The following TBK1 variants were observed in gnomAD, a reference collection of about 807,000 sequenced individuals.
TBK1 encodes the protein TANK binding kinase 1.
Under a neutral mutation model 99.9 loss-of-function variants are expected in TBK1, and 37 were observed. The ratio of observed to expected loss-of-function variants is 0.37; its 90% CI spans 0.28 to 0.49. TBK1 has a LOEUF of 0.49. TBK1 is among the 20% of genes least tolerant of loss of function. The pLI is 0.98. For missense variants in TBK1, 644 were observed against 872.5 expected (o/e 0.74, Z 3.30); for synonymous variants, 258 against 279.8 (o/e 0.92, Z 0.78).
Position 64,482,017 on chromosome 12 carries a change from A to G in TBK1, c.988A>G (p.Asn330Asp), listed in dbSNP as rs752710923. 2 of 1,545,936 alleles carry G rather than the reference A, an allele frequency of 1.3e-6. No homozygotes were observed. The highest frequency in any genetic ancestry group is 1.8e-6 in the Non-Finnish European group (2 of 1,142,224). The change falls in exon 8 of 21, where the codon AAT (asparagine) becomes GAT (aspartate). Residue 330 changes from asparagine (N) to aspartate (D), a missense_variant. By Grantham distance (23) the Asn-to-Asp change is conservative (BLOSUM62 1). Around this residue, in one of 3 missense-constraint regions of TBK1, gnomAD observed 465 missense variants for 588.0 expected, o/e 0.79. Transcript: ENST00000331710. ...TAHKIYIHSY[N>D]TATIFHELVY... is the part of the protein sequence containing the mutation. Reference sequence around the variant, plus strand: ...TCATAAGATTTATATTCATAGCTATAATACGTAAGTATCTCTATTTTCTTC... The same window carrying G: ...TCATAAGATTTATATTCATAGCTATGATACGTAAGTATCTCTATTTTCTTC...
chr12:64,468,668 A>C (rs555847451), intron 5 of TBK1, among the ~76,000 whole-genome samples: 16 of 152,330 alleles, frequency 1.1e-4, no homozygotes, highest in African/African-American at 3.9e-4. Context: ...AAAGACAATT[A>C]ACAAGTAAGT....
chr12:64,475,981 A>T (rs1374605116), intron 6 of TBK1, among the ~76,000 whole-genome samples: 1 of 152,032 alleles, frequency 6.6e-6, no homozygotes, highest in African/African-American at 2.4e-5. Flanking sequence ...TCCCACCAAT[A>T]GTGTATAATT....
chr12:64,467,067 C>A lies in TBK1; in HGVS notation c.525C>A (p.Gly175=). 1 of 1,598,842 alleles carries A rather than the reference C, an allele frequency of 6.3e-7. No individual in the cohort carries two copies. ...ATGAGCAGTTTGTTTCTCTGTATGGCACAGAAGAATATTTGGTAAGTCATG... is the reference window on the plus strand; with the variant it reads ...ATGAGCAGTTTGTTTCTCTGTATGGAACAGAAGAATATTTGGTAAGTCATG... ...EDDEQFVSLY[G]TEEYLHPDMY... is the part of the protein sequence containing the mutation. The change falls in exon 5 of 21, where the codon GGC becomes GGA. Residue 175 remains glycine (G), a synonymous_variant. Transcript: ENST00000331710.
chr12:64,468,958 C>T (rs1449603422), intron 5 of TBK1, among the ~76,000 whole-genome samples: 1 of 151,972 alleles, frequency 6.6e-6, no homozygotes, highest in Non-Finnish European at 1.5e-5. Flanking sequence ...TGCTGAGAAC[C>T]TACTGCATCA....
At chr12:64,485,562 C>T (rs1191497820) in intron 10 of TBK1, 49 bp downstream of exon 10, 2 of 943,328 alleles carry the variant, frequency 2.1e-6, no homozygotes, top group Non-Finnish European at 3.2e-6. Context: ...TTAATGTATC[C>T]TATCAATAGT....
intron 5 of TBK1, among the ~76,000 whole-genome samples, chr12:64,469,787 C>G (rs955333512): frequency 7.0e-6 from 1 of 143,314 alleles, no homozygotes; most frequent in South Asian, 2.3e-4. Context: ...TTCTCTCACC[C>G]AGTACTTTTT....
intron 2 of TBK1, among the ~76,000 whole-genome samples, chr12:64,457,709 T>G (rs1208342661): frequency 6.6e-6 from 1 of 152,158 alleles, no homozygotes; most frequent in Non-Finnish European, 1.5e-5. Context: ...GGCCTGGCAC[T>G]AGAAGATACG....
intron 2 of TBK1, among the ~76,000 whole-genome samples, chr12:64,458,877 C>G (rs920206065): frequency 3.3e-5 from 5 of 152,158 alleles, no homozygotes; most frequent in Non-Finnish European, 7.3e-5. Flanking sequence ...TACTTAAATT[C>G]TTCTCTTTTC....
rs1461457058 is a variant in TBK1, at chr12:64,488,486, G to A, written c.1341-1G>A. The A allele has an allele frequency of 1.3e-6, 2 of 1,542,018 alleles. No individual in the cohort carries two copies. On this transcript the variant is annotated splice_acceptor_variant, in intron 11 of 20. Transcript: ENST00000331710. LOFTEE classifies it high-confidence loss of function. Reference sequence around the variant, plus strand: ...TAATTAGAATAATTTTCTTTTTTTAGTGAATTAATTAAAGATGATTACAAT... The same window carrying A: ...TAATTAGAATAATTTTCTTTTTTTAATGAATTAATTAAAGATGATTACAAT...
chr12:64,458,114 CACACACAT>C (rs1387512099), intron 2 of TBK1, among the ~76,000 whole-genome samples: 1 of 151,730 alleles, frequency 6.6e-6, no homozygotes, highest in Non-Finnish European at 1.5e-5. Context: ...CACACACACA[CACACACAT>C]ACACACACGA....
intron 7 of TBK1, 148 bp downstream of exon 7, chr12:64,480,270 T>G (rs2040756284): frequency 1.7e-6 from 1 of 571,758 alleles, no homozygotes; most frequent in Admixed American, 3.5e-5. Context: ...TAAATGATTT[T>G]TGTCTTCGTG....
chr12:64,484,522 G>A (rs745501883), intron 9 of TBK1, 23 bp downstream of exon 9: 130 of 1,584,954 alleles, frequency 8.2e-5, no homozygotes, highest in South Asian at 1.0e-4. Context: ...TTTTCTTGTC[G>A]TTCTTACTAG....
In TBK1 at chr12:64,456,636, C is replaced by G. The variant is rs533676896; in HGVS notation, c.87+679C>G. ...CAGGCGGATCACGAGGTCAGGAGAT[C>G]GAGACCATCCTGGCTAACACGGTGA... On this transcript the variant is annotated intron_variant, in intron 2 of 20. Coordinates refer to ENST00000331710, the MANE Select transcript of TBK1 (RefSeq NM_013254.4). 3.3e-5 allele frequency among the ~76,000 whole-genome samples: 5 copies of G among 151,932 alleles called. No homozygotes were observed. In the South Asian group the frequency reaches 6.2e-4, roughly 19 times the overall value.
Position 64,497,979 on chromosome 12 carries a change from TAAAG to T in TBK1, c.2079_2082del (p.Glu695ArgfsTer16). The T allele has an allele frequency of 6.2e-7, 1 of 1,606,888 alleles. No homozygotes were observed. Among genetic ancestry groups the T allele is most frequent in the Non-Finnish European group, 8.5e-7 (1 of 1,178,216 alleles). ...GTTTATTTTATTAGTATGAAGAAAT[TAAAG>T]GAAGAGATGGAAGGGGTGGTTAAAG... On this transcript the variant is annotated frameshift_variant, in exon 20 of 21. Coordinates refer to ENST00000331710, the MANE Select transcript of TBK1 (RefSeq NM_013254.4). LOFTEE classifies it high-confidence loss of function.
chr12:64,467,012 A>T lies in TBK1; in HGVS notation c.470A>T (p.Asp157Val). 6.2e-7 allele frequency: 1 copy of T among 1,612,074 alleles called. No homozygotes were observed. The highest frequency in any genetic ancestry group is 8.5e-7 in the Non-Finnish European group (1 of 1,179,050). Residue 157 changes from aspartate to valine, a missense_variant, in exon 5 of 21, where the codon GAT becomes GTT. Physicochemically the swap from Asp to Val is radical, Grantham distance 152 (BLOSUM62 -3). Around this residue, in one of 3 missense-constraint regions of TBK1, gnomAD observed 148 missense variants for 202.1 expected, o/e 0.73. Transcript: ENST00000331710. ...GGACAGTCTGTGTACAAACTCACAGATTTTGGTGCAGCTAGAGAATTAGAA... is the reference window on the plus strand; with the variant it reads ...GGACAGTCTGTGTACAAACTCACAGTTTTTGGTGCAGCTAGAGAATTAGAA... ...EDGQSVYKLT[D>V]FGAARELEDD...
intron 12 of TBK1, 63 bp from the exon 13 acceptor site, chr12:64,489,978 C>A: frequency 2.1e-6 from 2 of 968,178 alleles, no homozygotes; most frequent in Non-Finnish European, 1.5e-6. Context: ...ATTTATAAAA[C>A]ATCTTTTTAA....
In TBK1 at chr12:64,497,269, G is replaced by A; in HGVS notation, c.1959+10G>A. 6.6e-7 allele frequency: 1 copy of A among 1,509,796 alleles called. No homozygotes were observed. The highest frequency in any genetic ancestry group is 8.9e-7 in the Non-Finnish European group (1 of 1,123,208). 93.5% of individuals were successfully genotyped at this position (1,509,796 alleles called of 1,614,324 possible). ...AGAATATACTAATGAGGTAGGTACAGCTGTCAAGGAAAAATTAAAATTCTT... is the reference window on the plus strand; with the variant it reads ...AGAATATACTAATGAGGTAGGTACAACTGTCAAGGAAAAATTAAAATTCTT... On this transcript the variant is annotated intron_variant, in intron 18 of 20. Coordinates refer to ENST00000331710, the MANE Select transcript of TBK1 (RefSeq NM_013254.4).
intron 8 of TBK1, among the ~76,000 whole-genome samples, chr12:64,482,422 T>C (rs2040776765): frequency 6.6e-6 from 1 of 152,164 alleles, no homozygotes; most frequent in South Asian, 2.1e-4. Context: ...ATGATAACCC[T>C]ATGCAGATAA....
intron 3 of TBK1, 74 bp downstream of exon 3, chr12:64,460,403 G>C: frequency 8.1e-7 from 1 of 1,237,070 alleles, no homozygotes; most frequent in Non-Finnish European, 1.1e-6. Context: ...TTAAAAAATG[G>C]ATTTTTTAAA....
Sources: gnomAD v4.1 joint callset for allele counts (sites outside exome capture counted in the v4.1 genomes callset) on GRCh38, gnomAD v4.1.1 for gene constraint, gnomAD v4.1.1 regional missense constraint, MANE v1.5 for transcripts, NCBI Gene and HGNC (gene_info 2026-07-23, HGNC 2026-07-21) for gene names.